Variants in ABCC3 observed in about 807,000 individuals in gnomAD.
ABCC3 encodes ATP-binding cassette sub-family C member 3.
Under a neutral mutation model 165.3 loss-of-function variants are expected in ABCC3, and 121 were observed. The ratio of observed to expected loss-of-function variants is 0.73; its 90% confidence interval spans 0.63 to 0.85. ABCC3 has a LOEUF of 0.85. ABCC3 is among the 40% of genes least tolerant of loss of function. The pLI, the probability that ABCC3 is intolerant of heterozygous loss-of-function variation, is 0.00. For missense variants in ABCC3, 1,869 were observed against 1,964.1 expected, an observed-to-expected ratio of 0.95 and a Z score of 0.92; for synonymous variants, 733 against 810.1, an observed-to-expected ratio of 0.90 and a Z score of 1.62.
chr17:50,668,800 C>A, intron 14 of ABCC3, 53 bp from the exon 15 acceptor site: 1 of 1,510,560 alleles, frequency 6.6e-7, no homozygotes, highest in Non-Finnish European at 9.2e-7. Flanking sequence ...TCCCTGCAGG[C>A]TACCCCATCC....
In ABCC3 at chr17:50,691,968, C is replaced by T. The variant is rs17563146; in HGVS notation, c.*768C>T. 0.084 allele frequency: 12,729 copies of T among 152,334 alleles called. 681 individuals carry two copies. Among genetic ancestry groups the T allele is most frequent in the Middle Eastern group, 0.16 (46 of 296 alleles). 9.4% of individuals were successfully genotyped at this position (152,334 alleles called of 1,614,324 possible). ...GGCCTCTTGGGAAAGCTGCTGTGAACACCTCCACGTTAATGTCATCCCTCA... is the reference window on the plus strand; with the variant it reads ...GGCCTCTTGGGAAAGCTGCTGTGAATACCTCCACGTTAATGTCATCCCTCA... On this transcript the variant is annotated 3_prime_UTR_variant, in exon 31 of 31. Coordinates refer to ENST00000285238, the MANE Select transcript of ABCC3 (RefSeq NM_003786.4).
intron 1 of ABCC3, among the ~76,000 whole-genome samples, chr17:50,651,495 G>C (rs1013491265): frequency 1.3e-5 from 2 of 152,188 alleles, no homozygotes; most frequent in African/African-American, 4.8e-5. Context: ...GGCTGAGGCA[G>C]GTGGAACACT....
At position 50,640,046 on chromosome 17, in the gene ABCC3, G is replaced by A. The variant is rs554705157; in HGVS notation, c.45+5065G>A. 2.0e-5 allele frequency among the ~76,000 whole-genome samples: 3 copies of A among 152,300 alleles called. No individual in the cohort carries two copies. In the East Asian group the frequency reaches 5.8e-4, roughly 29 times the overall value. ...CCTAAAGTGCTGGGATTACAGGCGT[G>A]AGCCACCGCATTCAGCCAGATTTCT... On this transcript the variant is annotated intron_variant, in intron 1 of 30. Coordinates refer to ENST00000285238, the MANE Select transcript of ABCC3 (RefSeq NM_003786.4).
chr17:50,659,797 C>A (rs1567829891), intron 7 of ABCC3, among the ~76,000 whole-genome samples: 1 of 151,986 alleles, frequency 6.6e-6, no homozygotes, highest in Non-Finnish European at 1.5e-5. Flanking sequence ...CCAGCCTGGG[C>A]AATATAGTGA....
At chr17:50,664,373 G>A (rs1490840272) in intron 10 of ABCC3, 1 of 503,206 alleles carries the variant, frequency 2.0e-6, no homozygotes, top group African/African-American at 1.9e-5. Context: ...AAAAAAAGAA[G>A]GAGGGTTATT....
At chr17:50,690,213 A>G (rs1273573521) in intron 30 of ABCC3, among the ~76,000 whole-genome samples, 3 of 152,072 alleles carry the variant, frequency 2.0e-5, no homozygotes. Flanking sequence ...TAGAACCAAG[A>G]TGGGGGTGGA....
At chr17:50,649,594 G>A (rs1278144602) in intron 1 of ABCC3, among the ~76,000 whole-genome samples, 2 of 145,678 alleles carry the variant, frequency 1.4e-5, no homozygotes, top group African/African-American at 5.1e-5. Flanking sequence ...AAAAGAAGGA[G>A]AGGAGAGGAG....
chr17:50,660,926 C>T lies in ABCC3; in HGVS notation c.810C>T (p.His270=), dbSNP rs1237729954. Residue 270 remains histidine (H), a synonymous_variant, in exon 8 of 31, where the codon CAC becomes CAT. Transcript: ENST00000285238. The part of the protein sequence containing the change: ...WRKQEKQTAR[H]KASAAPGKNA... ...TGCTCCTTCCTCCCTGGACCAGACA[C>T]AAGGCTTCAGCAGCACCTGGGAAAA... 6.3e-7 allele frequency: 1 copy of T among 1,596,014 alleles called. No individual in the cohort carries two copies. Among genetic ancestry groups the T allele is most frequent in the Non-Finnish European group, 8.5e-7 (1 of 1,171,848 alleles).
chr17:50,649,852 C>T (rs377347165), intron 1 of ABCC3, among the ~76,000 whole-genome samples: 5 of 152,172 alleles, frequency 3.3e-5, no homozygotes, highest in African/African-American at 1.2e-4. Context: ...ACTTCGGAGG[C>T]ATATACAAAA....
At chr17:50,658,033 G>A (rs1289332480) in intron 4 of ABCC3, 49 bp from the exon 5 acceptor site, 1 of 1,613,044 alleles carries the variant, frequency 6.2e-7, no homozygotes, top group Admixed American at 1.7e-5. Flanking sequence ...AGGGGCTGCA[G>A]GCCCAGGCTT....
intron 26 of ABCC3, among the ~76,000 whole-genome samples, chr17:50,681,914 C>G (rs1018120305): frequency 2.0e-5 from 3 of 152,160 alleles, no homozygotes; most frequent in Non-Finnish European, 4.4e-5. Flanking sequence ...CCCCTCACCC[C>G]TCACTGTCTG....
chr17:50,664,060 G>A lies in ABCC3; in HGVS notation c.1287G>A (p.Leu429=), dbSNP rs778350128. The A allele has an allele frequency of 1.9e-6, 3 of 1,614,208 alleles. No individual in the cohort carries two copies. Among genetic ancestry groups the A allele is most frequent in the Non-Finnish European group, 2.5e-6 (3 of 1,180,032 alleles). ...TGGACCTTGCCCCCTTCCTCAATCT[G>A]CTGTGGTCAGCACCCCTGCAGATCA... is the stretch of plus-strand genomic sequence containing the variant. ...RFMDLAPFLN[L]LWSAPLQIIL... Residue 429 remains leucine, a synonymous_variant, in exon 10 of 31, where the codon CTG becomes CTA. Coordinates refer to ENST00000285238, the MANE Select transcript of ABCC3 (RefSeq NM_003786.4).
At chr17:50,647,621 G>A (rs1025396393) in intron 1 of ABCC3, among the ~76,000 whole-genome samples, 4 of 152,214 alleles carry the variant, frequency 2.6e-5, no homozygotes, top group Admixed American at 6.5e-5. Context: ...AGGAAGATAA[G>A]GAGACAGCAA....
chr17:50,690,039 G>A (rs899135969), intron 30 of ABCC3, among the ~76,000 whole-genome samples: 10 of 152,306 alleles, frequency 6.6e-5, no homozygotes, highest in Admixed American at 5.2e-4. Flanking sequence ...ACTTTCTCCT[G>A]TAAGGAAGGG....
chr17:50,672,014 G>A (rs769260527), intron 17 of ABCC3, among the ~76,000 whole-genome samples: 6 of 151,706 alleles, frequency 4.0e-5, no homozygotes, highest in Non-Finnish European at 8.8e-5. Context: ...GAGCCACCAC[G>A]CGCGACCTCA....
At chr17:50,682,425 TAAAAA>T (rs376272357) in intron 26 of ABCC3, among the ~76,000 whole-genome samples, 2 of 141,364 alleles carry the variant, frequency 1.4e-5, no homozygotes, top group Non-Finnish European at 3.1e-5. Context: ...TAATCAGAGT[TAAAAA>T]AAAAAAAAGT....
At position 50,663,693 on chromosome 17, in the gene ABCC3, G is replaced by T. The variant is rs1250494293; in HGVS notation, c.1011G>T (p.Arg337Ser). The T allele has an allele frequency of 1.9e-6, 3 of 1,614,166 alleles. No homozygotes were observed. The highest frequency in any genetic ancestry group is 2.5e-6 in the Non-Finnish European group (3 of 1,180,028). ...INPQLLSILI[R>S]FISNPMAPSW... ...CTCCTCCCCACAGCATCCTGATCAG[G>T]TTTATCTCCAACCCCATGGCCCCCT... The change falls in exon 9 of 31, where the codon AGG (arginine) becomes AGT (serine). Residue 337 changes from arginine (R) to serine (S), a missense_variant. By Grantham distance (110) the Arg-to-Ser change is moderately radical. Transcript: ENST00000285238.
intron 1 of ABCC3, 174 bp downstream of exon 1, chr17:50,635,155 C>T (rs1598900571): frequency 1.5e-6 from 1 of 686,748 alleles, no homozygotes; most frequent in East Asian, 3.2e-5. Context: ...GCTGCGCCGC[C>T]CGGAGCCGGG....
chr17:50,663,936 C>T lies in ABCC3; in HGVS notation c.1177-14C>T. 6.2e-6 allele frequency: 10 copies of T among 1,614,242 alleles called. No individual in the cohort carries two copies. The highest frequency in any genetic ancestry group is 1.1e-5 in the South Asian group (1 of 91,088). On this transcript the variant is annotated splice_polypyrimidine_tract_variant and intron_variant, in intron 9 of 30. Transcript: ENST00000285238. ...GGCTCGCAGCCAAGTCCACCCACTA[C>T]TGTCTACCTGCAGGCTCTGGTTATC...
Sources: allele counts gnomAD v4.1 joint callset (sites outside exome capture counted in the v4.1 genomes callset), GRCh38; gene constraint gnomAD v4.1.1; transcripts MANE v1.5; gene names NCBI Gene and HGNC (gene_info 2026-07-23, HGNC 2026-07-21).